The following CCNY variants were observed in gnomAD, a reference collection of about 807,000 sequenced individuals.
CCNY encodes the protein cyclin Y.
A neutral mutation model predicts 42.8 loss-of-function variants in CCNY; 19 were observed. The observed-to-expected ratio is 0.44, with a 90% CI of 0.31 to 0.65. The LOEUF (loss-of-function observed/expected upper bound fraction) is 0.65. CCNY is among the 30% of genes least tolerant of loss of function. The pLI, the probability that CCNY is intolerant of heterozygous loss-of-function variation, is 0.07. For synonymous variants in CCNY, 165 were observed against 162.7 expected (o/e 1.01, Z -0.11); for missense variants, 370 against 437.3 (o/e 0.85, Z 1.37).
chr10:35,458,128 A>G (rs565176490), intron 1 of CCNY, among the ~76,000 whole-genome samples: 1 of 152,316 alleles, frequency 6.6e-6, no homozygotes, highest in South Asian at 2.1e-4. Context: ...GTGTTTTCCT[A>G]CAAGCTGTTT....
chr10:35,473,870 T>A (rs1479803992), intron 1 of CCNY, among the ~76,000 whole-genome samples: 1 of 152,122 alleles, frequency 6.6e-6, no homozygotes, highest in Non-Finnish European at 1.5e-5. Flanking sequence ...ATTTCTGCAT[T>A]TCCATCTGAG....
intron 3 of CCNY, chr10:35,315,393 T>C (rs1835743249): frequency 6.6e-6 from 1 of 152,224 alleles, no homozygotes; most frequent in South Asian, 2.1e-4. Context: ...GTTAGTTCAC[T>C]AAGGATGATG....
chr10:35,388,879 C>T (rs1413605471), intron 1 of CCNY, among the ~76,000 whole-genome samples: 1 of 152,186 alleles, frequency 6.6e-6, no homozygotes, highest in Non-Finnish European at 1.5e-5. Flanking sequence ...TTCCTTGGCT[C>T]ATGGCCCCCT....
At chr10:35,277,410 C>G (rs1189375050) in intron 3 of CCNY, among the ~76,000 whole-genome samples, 1 of 152,194 alleles carries the variant, frequency 6.6e-6, no homozygotes, top group African/African-American at 2.4e-5. Flanking sequence ...CTATTAGGCC[C>G]TGATCCTGCC....
chr10:35,346,546 A>G (rs1273082262), intron 1 of CCNY, among the ~76,000 whole-genome samples: 2 of 152,224 alleles, frequency 1.3e-5, no homozygotes, highest in Non-Finnish European at 2.9e-5. Flanking sequence ...TTGCCTTGCC[A>G]GGAAGGTTGC....
chr10:35,368,304 T>C (rs1221358087), intron 1 of CCNY, among the ~76,000 whole-genome samples: 2 of 152,238 alleles, frequency 1.3e-5, no homozygotes, highest in Admixed American at 1.3e-4. Context: ...TGTGTCGCAG[T>C]GTTTTTCATT....
intron 3 of CCNY, among the ~76,000 whole-genome samples, chr10:35,503,834 C>T (rs980824185): frequency 4.6e-5 from 7 of 152,292 alleles, no homozygotes; most frequent in Middle Eastern, 3.4e-3. Flanking sequence ...CCACTTAGCT[C>T]GCACCCTCTG....
intron 7 of CCNY, among the ~76,000 whole-genome samples, chr10:35,537,253 A>G (rs772121806): frequency 1.3e-5 from 2 of 152,222 alleles, no homozygotes; most frequent in Non-Finnish European, 2.9e-5. Flanking sequence ...AGATGTATGG[A>G]AATGCCTGGA....
intron 3 of CCNY, among the ~76,000 whole-genome samples, chr10:35,505,300 A>G (rs1840193241): frequency 6.6e-6 from 1 of 152,100 alleles, no homozygotes; most frequent in Non-Finnish European, 1.5e-5. Flanking sequence ...ATGTGAAAAC[A>G]GAATGAATGA....
chr10:35,454,135 T>C (rs1228738564), intron 1 of CCNY, among the ~76,000 whole-genome samples: 5 of 152,200 alleles, frequency 3.3e-5, no homozygotes, highest in Admixed American at 1.3e-4. Flanking sequence ...AATCTTGTAC[T>C]CGTTCATCCT....
intron 1 of CCNY, among the ~76,000 whole-genome samples, chr10:35,446,923 T>G (rs1199050316): frequency 2.0e-5 from 3 of 152,244 alleles, no homozygotes; most frequent in Non-Finnish European, 4.4e-5. Context: ...TCTAATGTAA[T>G]TTTTAGATAA....
At chr10:35,336,184 C>G (rs1250920117), upstream of CCNY, 1 of 152,218 alleles carries the variant, frequency 6.6e-6, no homozygotes, top group East Asian at 1.9e-4. Context: ...CGGGCCCTGG[C>G]TGCGCTCCCG....
At chr10:35,541,502 A>C (rs1037326983) in intron 7 of CCNY, among the ~76,000 whole-genome samples, 3 of 152,158 alleles carry the variant, frequency 2.0e-5, no homozygotes, top group Non-Finnish European at 4.4e-5. Flanking sequence ...TGCTCAAGTG[A>C]TCCTGTCCCT....
At chr10:35,544,852 C>T (rs1297538647) in intron 7 of CCNY, among the ~76,000 whole-genome samples, 2 of 152,216 alleles carry the variant, frequency 1.3e-5, no homozygotes, top group Non-Finnish European at 2.9e-5. Flanking sequence ...CTCAGGCTTG[C>T]TGTGTTCACT....
intron 7 of CCNY, among the ~76,000 whole-genome samples, chr10:35,541,130 G>T (rs925122957): frequency 6.6e-6 from 1 of 151,434 alleles, no homozygotes; most frequent in Non-Finnish European, 1.5e-5. Flanking sequence ...TTTAATACAG[G>T]CATCTACAGT....
intron 1 of CCNY, among the ~76,000 whole-genome samples, chr10:35,351,915 G>A (rs1190009468): frequency 6.6e-6 from 1 of 152,188 alleles, no homozygotes; most frequent in Non-Finnish European, 1.5e-5. Context: ...TATACACTTT[G>A]GTGGTTGGAT....
intron 1 of CCNY, among the ~76,000 whole-genome samples, chr10:35,430,188 T>C (rs1838356266): frequency 6.6e-6 from 1 of 150,554 alleles, no homozygotes. Flanking sequence ...ATACAAAAAA[T>C]TAGCCGGGCG....
intron 3 of CCNY, among the ~76,000 whole-genome samples, chr10:35,322,411 A>G (rs996391372): frequency 6.6e-6 from 1 of 152,158 alleles, no homozygotes; most frequent in African/African-American, 2.4e-5. Flanking sequence ...GAACATTTAC[A>G]TGATCTGAAG....
At chr10:35,365,089 TG>T (rs1836781466) in intron 1 of CCNY, among the ~76,000 whole-genome samples, 1 of 152,228 alleles carries the variant, frequency 6.6e-6, no homozygotes, top group African/African-American at 2.4e-5. Flanking sequence ...TTTCTATAAC[TG>T]GGCTCCATAC....
Sources: gnomAD v4.1 joint callset for allele counts (sites outside exome capture counted in the v4.1 genomes callset) on GRCh38, gnomAD v4.1.1 for gene constraint, MANE v1.5 for transcripts, NCBI Gene and HGNC (gene_info 2026-07-23, HGNC 2026-07-21) for gene names.